DPP6: variants seen among roughly 807,000 people sequenced by gnomAD.
The protein encoded by DPP6 is dipeptidyl peptidase like 6.
DPP6 carries 69 observed loss-of-function variants against 122.6 expected under a neutral mutation model. The observed-to-expected ratio is 0.56, with a 90% CI of 0.46 to 0.69. DPP6 has a LOEUF of 0.69. DPP6 is among the 30% of genes least tolerant of loss of function. The pLI is 0.00. For synonymous variants in DPP6, 418 were observed against 433.1 expected (o/e 0.97, Z 0.43); for missense variants, 928 against 1,116.9 (o/e 0.83, Z 2.41).
intron 1 of DPP6, among the ~76,000 whole-genome samples, chr7:154,176,657 G>T (rs1338343403): frequency 6.6e-6 from 1 of 152,116 alleles, no homozygotes; most frequent in East Asian, 1.9e-4. Flanking sequence ...TCAAGCCTTT[G>T]TCCTGGACTC....
At chr7:154,815,496 A>G (rs1799366716) in intron 16 of DPP6, among the ~76,000 whole-genome samples, 5 of 152,236 alleles carry the variant, frequency 3.3e-5, no homozygotes, top group East Asian at 1.9e-4. Flanking sequence ...TTTCTCTTCA[A>G]AATGAATCTC....
intron 1 of DPP6, among the ~76,000 whole-genome samples, chr7:153,986,433 G>A (rs190910420): frequency 3.0e-4 from 46 of 151,898 alleles, no homozygotes; most frequent in Admixed American, 4.6e-4. Flanking sequence ...GTGATCCAGC[G>A]AAGTATTTGC....
At chr7:154,672,831 A>G (rs1772384592) in intron 7 of DPP6, among the ~76,000 whole-genome samples, 1 of 152,204 alleles carries the variant, frequency 6.6e-6, no homozygotes, top group African/African-American at 2.4e-5. Flanking sequence ...GTCTTTGCAA[A>G]CAGATAGTTT....
the DPP6 span, among the ~76,000 whole-genome samples, chr7:153,807,307 G>A: frequency 2.2e-4 from 33 of 151,824 alleles, no homozygotes; most frequent in Non-Finnish European, 3.2e-4. Context: ...GTAGGCTGAG[G>A]CAGGAGAATC....
chr7:154,189,223 G>A (rs1418126949), intron 1 of DPP6, among the ~76,000 whole-genome samples: 1 of 152,162 alleles, frequency 6.6e-6, no homozygotes, highest in Admixed American at 6.5e-5. Flanking sequence ...AACCAACCAG[G>A]ATAGTTTAGT....
At chr7:153,859,438 C>A in the DPP6 span, among the ~76,000 whole-genome samples, 39 of 152,276 alleles carry the variant, frequency 2.6e-4, no homozygotes, top group African/African-American at 8.2e-4. Flanking sequence ...TTCCATGAGA[C>A]GTGGCTGTCT....
At chr7:154,276,266 C>A (rs930937060) in intron 1 of DPP6, among the ~76,000 whole-genome samples, 2 of 152,152 alleles carry the variant, frequency 1.3e-5, no homozygotes, top group Non-Finnish European at 2.9e-5. Context: ...TGATTTTTCC[C>A]AAGGTCACCC....
intron 1 of DPP6, among the ~76,000 whole-genome samples, chr7:154,334,339 C>G (rs1704816010): frequency 6.6e-6 from 1 of 152,198 alleles, no homozygotes; most frequent in East Asian, 1.9e-4. Flanking sequence ...GATGCAAAAG[C>G]AAGAAGGACA....
chr7:154,074,627 AT>A (rs1803424385), intron 1 of DPP6, among the ~76,000 whole-genome samples: 1 of 152,222 alleles, frequency 6.6e-6, no homozygotes. Context: ...CTTTAAGAAA[AT>A]AGAAAAAGAA....
At chr7:154,443,502 A>T (rs1233701811) in intron 1 of DPP6, among the ~76,000 whole-genome samples, 2 of 93,034 alleles carry the variant, frequency 2.1e-5, no homozygotes, top group Non-Finnish European at 4.0e-5. Flanking sequence ...GTGGATTGAC[A>T]GATACATGGA....
intron 1 of DPP6, among the ~76,000 whole-genome samples, chr7:153,902,570 C>T (rs1799682307): frequency 6.6e-6 from 1 of 152,134 alleles, no homozygotes; most frequent in Non-Finnish European, 1.5e-5. Flanking sequence ...CGTGGTGGCT[C>T]ACACCTGTAA....
intron 5 of DPP6, among the ~76,000 whole-genome samples, chr7:154,594,432 T>C (rs549501087): frequency 1.3e-5 from 2 of 152,308 alleles, no homozygotes; most frequent in African/African-American, 4.8e-5. Context: ...AAATAAACAA[T>C]GAATGAATCA....
intron 1 of DPP6, among the ~76,000 whole-genome samples, chr7:154,042,771 C>A (rs1239579464): frequency 6.6e-6 from 1 of 152,192 alleles, no homozygotes; most frequent in Non-Finnish European, 1.5e-5. Flanking sequence ...TCCTCAAAGA[C>A]CAACGACTTC....
At chr7:154,467,563 A>G (rs190343132) in intron 2 of DPP6, among the ~76,000 whole-genome samples, 20 of 152,316 alleles carry the variant, frequency 1.3e-4, no homozygotes, top group African/African-American at 3.6e-4. Context: ...CTCCCCAGCC[A>G]TGCAGAACTG....
At chr7:154,002,467 CTATG>C (rs1425572801) in intron 1 of DPP6, among the ~76,000 whole-genome samples, 3 of 152,228 alleles carry the variant, frequency 2.0e-5, no homozygotes, top group Non-Finnish European at 4.4e-5. Context: ...CAGAATTTGG[CTATG>C]TCTCATTCAT....
chr7:154,438,493 A>AG (rs1327643812), intron 1 of DPP6, among the ~76,000 whole-genome samples: 9 of 149,970 alleles, frequency 6.0e-5, no homozygotes, highest in African/African-American at 2.0e-4. Flanking sequence ...AAAAAAAAAA[A>AG]AAAAGAAAAG....
chr7:154,473,276 T>C (rs10240395), intron 2 of DPP6, among the ~76,000 whole-genome samples: 7,245 of 152,302 alleles, frequency 0.048, 362 homozygotes, highest in African/African-American at 0.12. Context: ...TTTGAAGCCA[T>C]GTGCCTTTTC....
chr7:154,746,484 T>C (rs368639310), intron 8 of DPP6, among the ~76,000 whole-genome samples: 42 of 152,304 alleles, frequency 2.8e-4, no homozygotes, highest in African/African-American at 1.0e-3. Context: ...GATTGTACCA[T>C]TCTGTTTTGG....
chr7:154,571,435 A>C (rs1417593635), intron 5 of DPP6, among the ~76,000 whole-genome samples: 1 of 152,202 alleles, frequency 6.6e-6, no homozygotes, highest in East Asian at 1.9e-4. Context: ...CATCTTAACT[A>C]TGCCAACCCT....
Sources: gnomAD v4.1 joint callset for allele counts (sites outside exome capture counted in the v4.1 genomes callset) on GRCh38, gnomAD v4.1.1 for gene constraint, MANE v1.5 for transcripts, NCBI Gene and HGNC (gene_info 2026-07-23, HGNC 2026-07-21) for gene names.